VWC2L: variants seen among roughly 807,000 people sequenced by gnomAD.
VWC2L encodes von Willebrand factor C domain-containing protein 2-like.
Under a neutral mutation model 21.6 loss-of-function variants are expected in VWC2L, and 10 were observed. The observed-to-expected ratio is 0.46, with a 90% CI of 0.29 to 0.78. The LOEUF (loss-of-function observed/expected upper bound fraction) is 0.78. VWC2L is among the 30% of genes least tolerant of loss of function. The pLI is 0.10. For synonymous variants in VWC2L, 96 were observed against 94.3 expected, an observed-to-expected ratio of 1.02 and a Z score of -0.10; for missense variants, 209 against 277.1, an observed-to-expected ratio of 0.75 and a Z score of 1.74.
At chr2:214,503,108 C>G (rs564539159) in intron 3 of VWC2L, among the ~76,000 whole-genome samples, 3 of 152,286 alleles carry the variant, frequency 2.0e-5, no homozygotes, top group African/African-American at 4.8e-5. Flanking sequence ...AACCCAAGAA[C>G]CTGCAAATTA....
At chr2:214,453,968 G>A (rs938807359) in intron 3 of VWC2L, among the ~76,000 whole-genome samples, 25 of 151,990 alleles carry the variant, frequency 1.6e-4, no homozygotes, top group Non-Finnish European at 2.9e-4. Context: ...CAGTCCACCC[G>A]CCTCTGCCTC....
At chr2:214,416,431 C>A (rs778246797) in intron 2 of VWC2L, among the ~76,000 whole-genome samples, 23 of 151,862 alleles carry the variant, frequency 1.5e-4, no homozygotes, top group Non-Finnish European at 2.8e-4. Flanking sequence ...TTTCACCTGG[C>A]TTTTTGTGTC....
intron 3 of VWC2L, among the ~76,000 whole-genome samples, chr2:214,524,649 T>C (rs766263334): frequency 6.6e-6 from 1 of 152,204 alleles, no homozygotes; most frequent in Non-Finnish European, 1.5e-5. Flanking sequence ...AGCCACATGG[T>C]CCCTGCCTGA....
At chr2:214,550,658 A>G (rs1287016097) in intron 3 of VWC2L, among the ~76,000 whole-genome samples, 1 of 152,184 alleles carries the variant, frequency 6.6e-6, no homozygotes, top group East Asian at 1.9e-4. Flanking sequence ...CCTACAATGT[A>G]CTAAACGAAG....
intron 3 of VWC2L, among the ~76,000 whole-genome samples, chr2:214,554,076 C>T (rs1689837337): frequency 1.3e-5 from 2 of 152,100 alleles, no homozygotes; most frequent in African/African-American, 4.8e-5. Context: ...ACTCTTTCTG[C>T]ACTCACCACT....
intron 3 of VWC2L, among the ~76,000 whole-genome samples, chr2:214,504,518 A>T (rs925973257): frequency 1.3e-5 from 2 of 152,236 alleles, no homozygotes; most frequent in Non-Finnish European, 2.9e-5. Context: ...GAAGCTGGTT[A>T]CACACAGGCC....
chr2:214,473,992 A>T (rs1305357502), intron 3 of VWC2L, among the ~76,000 whole-genome samples: 2 of 152,170 alleles, frequency 1.3e-5, no homozygotes, highest in East Asian at 3.9e-4. Flanking sequence ...CTGTGAAGAA[A>T]GACCTTAATC....
At chr2:214,562,360 A>G (rs1161449859) in intron 3 of VWC2L, among the ~76,000 whole-genome samples, 1 of 152,224 alleles carries the variant, frequency 6.6e-6, no homozygotes, top group African/African-American at 2.4e-5. Context: ...TCCATTGTGT[A>G]TATGTACCAT....
chr2:214,546,582 T>C (rs1225295516), intron 3 of VWC2L, among the ~76,000 whole-genome samples: 3 of 152,194 alleles, frequency 2.0e-5, no homozygotes, highest in African/African-American at 7.2e-5. Context: ...CAAATTATTG[T>C]AAATAGCAGA....
intron 2 of VWC2L, among the ~76,000 whole-genome samples, chr2:214,432,711 T>A (rs1702618304): frequency 6.6e-6 from 1 of 152,130 alleles, no homozygotes; most frequent in South Asian, 2.1e-4. Context: ...GGACAGCATT[T>A]GGAATTGCCA....
intron 3 of VWC2L, among the ~76,000 whole-genome samples, chr2:214,453,714 G>T (rs914803444): frequency 6.7e-5 from 9 of 133,930 alleles, no homozygotes; most frequent in Non-Finnish European, 1.1e-4. Flanking sequence ...TTGTCCCAAA[G>T]AATTTTTTTT....
chr2:214,420,207 A>G (rs550237759), intron 2 of VWC2L, among the ~76,000 whole-genome samples: 6 of 152,336 alleles, frequency 3.9e-5, no homozygotes, highest in African/African-American at 7.2e-5. Flanking sequence ...CTTCTCATTA[A>G]TAGGTGCCAC....
Position 214,578,844 on chromosome 2 carries a change from A to C in VWC2L, c.*3024A>C, listed in dbSNP as rs1196837288. The C allele has an allele frequency of 6.6e-6, 1 of 152,024 alleles. No individual in the cohort carries two copies. The highest frequency in any genetic ancestry group is 2.4e-5 in the African/African-American group (1 of 41,414). The allele number at this position is 152,024 out of a possible 1,614,324, so 9.4% of individuals were successfully genotyped here. A position where few individuals can be genotyped will look rare whatever the true frequency, so the allele number is the denominator to read the frequency against. Reference sequence around the variant, plus strand: ...AAATCTTTGAAAAATGGCGTGCCTGAAAACTAGTGAGAAAAAAAAAAAACC... The same window carrying C: ...AAATCTTTGAAAAATGGCGTGCCTGCAAACTAGTGAGAAAAAAAAAAAACC... On this transcript the variant is annotated 3_prime_UTR_variant, in exon 4 of 4. Coordinates refer to ENST00000312504, the MANE Select transcript of VWC2L (RefSeq NM_001080500.4).
chr2:214,528,225 A>G (rs1284038101), intron 3 of VWC2L, among the ~76,000 whole-genome samples: 1 of 152,192 alleles, frequency 6.6e-6, no homozygotes, highest in Non-Finnish European at 1.5e-5. Context: ...AGAAAACACA[A>G]TAGCCTTAGA....
At chr2:214,498,304 T>C (rs1387037585) in intron 3 of VWC2L, among the ~76,000 whole-genome samples, 2 of 152,162 alleles carry the variant, frequency 1.3e-5, no homozygotes, top group South Asian at 4.1e-4. Flanking sequence ...GATAGATCCT[T>C]GGCATCTCTG....
intron 3 of VWC2L, among the ~76,000 whole-genome samples, chr2:214,541,018 A>C (rs1044418729): frequency 2.0e-5 from 3 of 152,102 alleles, no homozygotes; most frequent in African/African-American, 4.8e-5. Flanking sequence ...ATGCTAGTTA[A>C]TTGTTAATAC....
At chr2:214,437,746 T>C (rs899448719) in intron 3 of VWC2L, among the ~76,000 whole-genome samples, 14 of 152,094 alleles carry the variant, frequency 9.2e-5, no homozygotes, top group Non-Finnish European at 1.0e-4. Context: ...TTAGTAAAAA[T>C]AAGCATAAAG....
chr2:214,531,671 A>G (rs892243343), intron 3 of VWC2L, among the ~76,000 whole-genome samples: 1 of 152,130 alleles, frequency 6.6e-6, no homozygotes, highest in Non-Finnish European at 1.5e-5. Flanking sequence ...ACCGTGGCCC[A>G]AAGGACAGTA....
At chr2:214,424,703 A>G (rs1489183459) in intron 2 of VWC2L, among the ~76,000 whole-genome samples, 1 of 152,180 alleles carries the variant, frequency 6.6e-6, no homozygotes, top group Admixed American at 6.5e-5. Context: ...AAGTTCACAA[A>G]AGTTCAATGA....
Sources: gnomAD v4.1 joint callset for allele counts (sites outside exome capture counted in the v4.1 genomes callset) on GRCh38, gnomAD v4.1.1 for gene constraint, MANE v1.5 for transcripts, NCBI Gene and HGNC (gene_info 2026-07-23, HGNC 2026-07-21) for gene names.